DGKI: variants seen among roughly 807,000 people sequenced by gnomAD.
The protein encoded by DGKI is diacylglycerol kinase iota, also known as DAG kinase iota.
DGKI carries 55 observed loss-of-function variants against 147.5 expected under a neutral mutation model. That is an observed-to-expected ratio of 0.37 (90% CI 0.30 to 0.47). The LOEUF (loss-of-function observed/expected upper bound fraction) is 0.47, where lower values mean the gene tolerates loss of function less well. DGKI is among the 20% of genes least tolerant of loss of function. The probability of loss-of-function intolerance (pLI) is 1.00; values close to 1 mark genes in which losing one functional copy is unlikely to be tolerated. For synonymous variants in DGKI, 469 were observed against 477.1 expected (o/e 0.98, Z 0.22); for missense variants, 1,007 against 1,323.8 (o/e 0.76, Z 3.71).
rs373355514 is a variant in DGKI, at chr7:137,569,546, G to A, written c.1947+1629C>T. ...GATCGAGACCATCCTGGCAAACATG[G>A]TGAAATCTCGTCTCTACTAAAAATA... On this transcript the variant is annotated intron_variant, in intron 19 of 32. Transcript: ENST00000614521. Among the ~76,000 whole-genome samples, 16 of 151,502 alleles carry A rather than the reference G, an allele frequency of 1.1e-4. No individual in the cohort carries two copies. In the East Asian group the frequency reaches 1.7e-3, roughly 17 times the overall value.
At chr7:137,421,921 C>T (rs1812586771) in intron 28 of DGKI, among the ~76,000 whole-genome samples, 1 of 152,126 alleles carries the variant, frequency 6.6e-6, no homozygotes, top group Admixed American at 6.5e-5. Context: ...AGAAAGCTCA[C>T]CTTACTGGCC....
chr7:137,790,156 C>T (rs910139118), intron 1 of DGKI, among the ~76,000 whole-genome samples: 3 of 151,218 alleles, frequency 2.0e-5, no homozygotes, highest in Non-Finnish European at 2.9e-5. Flanking sequence ...AAACAGCCAG[C>T]GAGATCTGGT....
chr7:137,632,562 T>C (rs1301091984), intron 6 of DGKI, among the ~76,000 whole-genome samples: 1 of 152,046 alleles, frequency 6.6e-6, no homozygotes, highest in Admixed American at 6.6e-5. Flanking sequence ...GGTCCCCTAT[T>C]AAAATAAAGA....
chr7:137,652,527 C>T (rs892972047), intron 5 of DGKI, among the ~76,000 whole-genome samples: 2 of 152,106 alleles, frequency 1.3e-5, no homozygotes, highest in African/African-American at 4.8e-5. Context: ...ATTGAGTCAC[C>T]ACTGAATTAC....
At chr7:137,691,266 A>T (rs1823594175) in intron 1 of DGKI, among the ~76,000 whole-genome samples, 1 of 152,204 alleles carries the variant, frequency 6.6e-6, no homozygotes, top group African/African-American at 2.4e-5. Flanking sequence ...AGCTCTAAAG[A>T]AAACATCAGC....
intron 8 of DGKI, among the ~76,000 whole-genome samples, chr7:137,612,346 C>T (rs1382251926): frequency 6.6e-6 from 1 of 151,172 alleles, no homozygotes; most frequent in Non-Finnish European, 1.5e-5. Flanking sequence ...AGACCAAGCA[C>T]AGTCGTTGAC....
rs534839883 is a variant in DGKI at position 137,556,327 on chromosome 7, G to A, written c.1948-3759C>T. Among the ~76,000 whole-genome samples, 15 of 150,648 alleles carry A rather than the reference G, an allele frequency of 1.0e-4. No individual in the cohort carries two copies. The South Asian group carries it at 2.9e-3, about 30-fold the overall frequency. On this transcript the variant is annotated intron_variant, in intron 19 of 32. Coordinates refer to ENST00000614521, the MANE Select transcript of DGKI (RefSeq NM_001321708.2). ...AGAAACAAAGTTATCCATCAGCAAC[G>A]AAAGTTTTCAACATAATATTGGAAG...
chr7:137,577,082 G>T lies in DGKI; in HGVS notation c.1761+140C>A. The T allele has an allele frequency of 1.5e-5, 10 of 686,170 alleles. No homozygotes were observed. The South Asian group carries it at 1.5e-4, about 10-fold the overall frequency. 42.5% of individuals were successfully genotyped at this position (686,170 alleles called of 1,614,324 possible). On this transcript the variant is annotated intron_variant, in intron 17 of 32. Coordinates refer to ENST00000614521, the MANE Select transcript of DGKI (RefSeq NM_001321708.2). ...AGACAGTGCCTGACACATAATAAGT[G>T]TAGGTTGAATGAACTACACAAAATG...
chr7:137,472,206 TAC>T (rs1391383392), intron 23 of DGKI, among the ~76,000 whole-genome samples: 1 of 105,490 alleles, frequency 9.5e-6, no homozygotes, highest in South Asian at 2.7e-4. Flanking sequence ...ATTATATACA[TAC>T]ACATATATAT....
chr7:137,722,178 C>T, intron 1 of DGKI: 1 of 1,600,540 alleles, frequency 6.2e-7, no homozygotes, highest in South Asian at 1.1e-5. Flanking sequence ...CTATGTATTC[C>T]AGAAAGGCCA....
intron 30 of DGKI, among the ~76,000 whole-genome samples, chr7:137,399,133 T>G (rs1811658177): frequency 6.6e-6 from 1 of 152,080 alleles, no homozygotes; most frequent in East Asian, 1.9e-4. Context: ...GGCTAGTCTG[T>G]GACAAGGTCC....
At chr7:137,741,797 G>C (rs1437240124) in intron 1 of DGKI, among the ~76,000 whole-genome samples, 2 of 152,154 alleles carry the variant, frequency 1.3e-5, no homozygotes, top group African/African-American at 2.4e-5. Flanking sequence ...GTGCAACAGT[G>C]GGTGATCTGG....
intron 5 of DGKI, among the ~76,000 whole-genome samples, chr7:137,654,354 C>T (rs1314720422): frequency 6.6e-6 from 1 of 152,162 alleles, no homozygotes; most frequent in Admixed American, 6.5e-5. Context: ...CTTATACCCA[C>T]TCAAAATTGA....
chr7:137,407,799 G>A, intron 30 of DGKI, 76 bp downstream of exon 30: 1 of 1,568,286 alleles, frequency 6.4e-7, no homozygotes, highest in East Asian at 2.3e-5. Flanking sequence ...CCTGGATGAA[G>A]GGTAACTTAG....
chr7:137,802,400 C>A (rs1200963222), intron 1 of DGKI, among the ~76,000 whole-genome samples: 1 of 152,178 alleles, frequency 6.6e-6, no homozygotes, highest in Non-Finnish European at 1.5e-5. Context: ...TTTTTAATAT[C>A]TTTCTGGGAA....
intron 1 of DGKI, among the ~76,000 whole-genome samples, chr7:137,744,758 T>C (rs1263593689): frequency 6.6e-6 from 1 of 152,220 alleles, no homozygotes; most frequent in African/African-American, 2.4e-5. Context: ...TTAATAAGCG[T>C]GATTTACCAC....
chr7:137,570,903 T>C (rs759961232), intron 19 of DGKI, among the ~76,000 whole-genome samples: 1 of 152,188 alleles, frequency 6.6e-6, no homozygotes, highest in African/African-American at 2.4e-5. Flanking sequence ...GTAATGTTTT[T>C]AATTAGCATA....
chr7:137,415,712 T>A (rs533258078), intron 28 of DGKI, among the ~76,000 whole-genome samples: 1 of 152,282 alleles, frequency 6.6e-6, no homozygotes, highest in South Asian at 2.1e-4. Context: ...CCAGGCATGG[T>A]GGCTCACATC....
chr7:137,425,775 G>A (rs1356984796), intron 28 of DGKI, among the ~76,000 whole-genome samples: 5 of 152,204 alleles, frequency 3.3e-5, no homozygotes, highest in Admixed American at 6.5e-5. Context: ...GAGCCGATGC[G>A]ATCAACTGGA....
Sources: allele counts gnomAD v4.1 joint callset (sites outside exome capture counted in the v4.1 genomes callset), GRCh38; gene constraint gnomAD v4.1.1; transcripts MANE v1.5; gene names NCBI Gene and HGNC (gene_info 2026-07-23, HGNC 2026-07-21).